Variants in EBAG9 observed in about 807,000 individuals in gnomAD.
EBAG9 encodes receptor-binding cancer antigen expressed on SiSo cells.
EBAG9 carries 16 observed loss-of-function variants against 30.9 expected under a neutral mutation model. The ratio of observed to expected loss-of-function variants is 0.52; its 90% CI spans 0.35 to 0.79. The LOEUF (loss-of-function observed/expected upper bound fraction) is 0.79, where lower values mean the gene tolerates loss of function less well. EBAG9 is among the 30% of genes least tolerant of loss of function. EBAG9 has a pLI of 0.01. For synonymous variants in EBAG9, 93 were observed against 82.8 expected, an observed-to-expected ratio of 1.12 and a Z score of -0.67; for missense variants, 197 against 242.1, an observed-to-expected ratio of 0.81 and a Z score of 1.24.
rs1377206415 is a variant in EBAG9 at position 109,556,109 on chromosome 8, TATCA to T, written c.322-825_322-822del. Among the ~76,000 whole-genome samples the T allele has an allele frequency of 5.3e-5, 8 of 152,256 alleles. No homozygotes were observed. In the East Asian group the frequency reaches 1.5e-3, roughly 29 times the overall value. On this transcript the variant is annotated intron_variant, in intron 4 of 6. Transcript: ENST00000337573. ...GTCTACCTCACTAATCACTCTGCTA[TATCA>T]GAAAAACACACTTAAAGTTCACTTT...
intron 5 of EBAG9, among the ~76,000 whole-genome samples, chr8:109,558,900 T>C (rs543671817): frequency 1.3e-5 from 2 of 152,208 alleles, no homozygotes; most frequent in African/African-American, 4.8e-5. Context: ...TTGGATATTT[T>C]TGTTGGGCAG....
intron 6 of EBAG9, among the ~76,000 whole-genome samples, chr8:109,562,334 G>A (rs1821727693): frequency 6.6e-6 from 1 of 151,940 alleles, no homozygotes; most frequent in Non-Finnish European, 1.5e-5. Context: ...ATGAAAAAAT[G>A]TACTTAAAAA....
At chr8:109,551,279 A>G (rs1821489043) in intron 2 of EBAG9, among the ~76,000 whole-genome samples, 1 of 152,082 alleles carries the variant, frequency 6.6e-6, no homozygotes, top group Admixed American at 6.6e-5. Context: ...TGTCTATACT[A>G]CAATAGTGTT....
At position 109,556,953 on chromosome 8, in the gene EBAG9, GA is replaced by G. The variant is rs1214992557; in HGVS notation, c.342del (p.Glu114AspfsTer3). 1 of 1,594,812 alleles carries G rather than the reference GA, an allele frequency of 6.3e-7. No individual in the cohort carries two copies. Among genetic ancestry groups the G allele is most frequent in the Non-Finnish European group, 8.6e-7 (1 of 1,168,972 alleles). ...KTQKIVIKKR[E>X]PLNFGIPDGS... ...CTTTCAGATTGTTATTAAGAAGAGA[GA>G]ACCATTGAATTTTGGCATCCCAGAT... On this transcript the variant is annotated frameshift_variant, in exon 5 of 7. Coordinates refer to ENST00000337573, the MANE Select transcript of EBAG9 (RefSeq NM_004215.5). LOFTEE classifies it high-confidence loss of function.
intron 6 of EBAG9, chr8:109,563,412 A>G (rs1821747126): frequency 4.4e-6 from 7 of 1,597,278 alleles, no homozygotes; most frequent in African/African-American, 1.3e-5. Context: ...GGACCAATGT[A>G]TGTTTACTCT....
chr8:109,545,739 A>T (rs1821371541), intron 1 of EBAG9, among the ~76,000 whole-genome samples: 1 of 152,162 alleles, frequency 6.6e-6, no homozygotes, highest in Non-Finnish European at 1.5e-5. Flanking sequence ...CATCTCTTTC[A>T]TAAAGACATA....
At chr8:109,554,691 C>T in intron 3 of EBAG9, 38 bp from the exon 4 acceptor site, 2 of 1,586,934 alleles carry the variant, frequency 1.3e-6, no homozygotes, top group Non-Finnish European at 1.7e-6. Flanking sequence ...CATTAAGTTG[C>T]CCCTTTGTGG....
At chr8:109,563,441 A>T (rs1821747919) in intron 6 of EBAG9, 2 of 1,597,730 alleles carry the variant, frequency 1.3e-6, no homozygotes, top group African/African-American at 2.7e-5. Context: ...CTGTTTCATC[A>T]TCCCACTCCT....
chr8:109,551,306 A>C (rs2131112413), intron 2 of EBAG9, among the ~76,000 whole-genome samples: 1 of 152,286 alleles, frequency 6.6e-6, no homozygotes, highest in Middle Eastern at 3.4e-3. Context: ...ATATTTAAAA[A>C]AAAATCCTAA....
intron 1 of EBAG9, among the ~76,000 whole-genome samples, chr8:109,547,215 G>T (rs1481968028): frequency 2.0e-5 from 3 of 152,012 alleles, no homozygotes; most frequent in Non-Finnish European, 2.9e-5. Flanking sequence ...GAGTAGAATG[G>T]CTGGGTCATA....
chr8:109,557,567 A>G (rs1011735994), intron 5 of EBAG9, among the ~76,000 whole-genome samples: 1 of 152,000 alleles, frequency 6.6e-6, no homozygotes, highest in African/African-American at 2.4e-5. Flanking sequence ...CTAAGCTTTA[A>G]GCATGCTTTG....
At chr8:109,542,347 TGGC>T (rs1821293269) in intron 1 of EBAG9, among the ~76,000 whole-genome samples, 1 of 152,178 alleles carries the variant, frequency 6.6e-6, no homozygotes, top group Non-Finnish European at 1.5e-5. Context: ...TTATTCAAGT[TGGC>T]AAATATTTAT....
rs373327267 is a variant in EBAG9 at position 109,550,941 on chromosome 8, A to G, written c.83+34A>G. ...GTTTTATGTTCAAACTAACCTGTTT[A>G]TCTCCTCGCTGGTTTTGGATACCTT... On this transcript the variant is annotated intron_variant, in intron 2 of 6. Coordinates refer to ENST00000337573, the MANE Select transcript of EBAG9 (RefSeq NM_004215.5). 1.0e-4 allele frequency: 143 copies of G among 1,413,710 alleles called. 3 individuals are homozygous for G. The South Asian group carries it at 1.3e-3, about 13-fold the overall frequency. The allele number at this position is 1,413,710 out of a possible 1,614,324, so 87.6% of individuals were successfully genotyped here. A position where few individuals can be genotyped will look rare whatever the true frequency, so the allele number is the denominator to read the frequency against.
chr8:109,549,364 A>G (rs1821449147), intron 1 of EBAG9, among the ~76,000 whole-genome samples: 1 of 151,964 alleles, frequency 6.6e-6, no homozygotes, highest in South Asian at 2.1e-4. Context: ...TTTTCTAGTA[A>G]TATCTTTGGA....
intron 1 of EBAG9, among the ~76,000 whole-genome samples, chr8:109,549,952 TA>T: frequency 6.6e-6 from 1 of 152,036 alleles, no homozygotes; most frequent in East Asian, 1.9e-4. Flanking sequence ...TCTTTTTATT[TA>T]AAATGCATTT....
rs141461832 is a variant in EBAG9 at position 109,564,755 on chromosome 8, CTT to C, written c.*197_*198del. On this transcript the variant is annotated 3_prime_UTR_variant, in exon 7 of 7. Coordinates refer to ENST00000337573, the MANE Select transcript of EBAG9 (RefSeq NM_004215.5). Reference sequence around the variant, plus strand: ...TTGAGACTCAAAAAAACAAAAAAGACTTGAGACAATGTTTTCTTCAACATGCT... The same window carrying C: ...TTGAGACTCAAAAAAACAAAAAAGACGAGACAATGTTTTCTTCAACATGCT... The C allele has an allele frequency of 2.8e-3, 1,601 of 567,672 alleles. 26 individuals carry two copies. The highest frequency in any genetic ancestry group is 0.028 in the African/African-American group (1,441 of 52,372). 35.2% of individuals were successfully genotyped at this position (567,672 alleles called of 1,614,324 possible).
In EBAG9 at chr8:109,565,332, T is replaced by G. The variant is rs1278435802; in HGVS notation, c.*773T>G. ...TTTCCTTTCATTATAGATTGTAAGATGTTGTGGTATCTTTGAGTGCCTTAG... is the reference window on the plus strand; with the variant it reads ...TTTCCTTTCATTATAGATTGTAAGAGGTTGTGGTATCTTTGAGTGCCTTAG... On this transcript the variant is annotated 3_prime_UTR_variant, in exon 7 of 7. Coordinates refer to ENST00000337573, the MANE Select transcript of EBAG9 (RefSeq NM_004215.5). The G allele has an allele frequency of 1.3e-5, 2 of 152,198 alleles. No individual in the cohort carries two copies. The highest frequency in any genetic ancestry group is 2.9e-5 in the Non-Finnish European group (2 of 67,948). The allele number at this position is 152,198 out of a possible 1,614,324, so 9.4% of individuals were successfully genotyped here. A position where few individuals can be genotyped will look rare whatever the true frequency, so the allele number is the denominator to read the frequency against.
At chr8:109,560,814 A>G (rs1821695606) in intron 5 of EBAG9, 24 bp from the exon 6 acceptor site, 10 of 1,563,692 alleles carry the variant, frequency 6.4e-6, no homozygotes, top group South Asian at 1.1e-5. Flanking sequence ...TACTCTCTTA[A>G]TTTTGTTTTA....
intron 4 of EBAG9, 94 bp downstream of exon 4, chr8:109,554,981 A>AT: frequency 1.6e-6 from 2 of 1,266,746 alleles, no homozygotes; most frequent in South Asian, 1.6e-5. Flanking sequence ...TAGAAAGCCT[A>AT]TTTCTTTTTT....
Sources: allele counts gnomAD v4.1 joint callset (sites outside exome capture counted in the v4.1 genomes callset), GRCh38; gene constraint gnomAD v4.1.1; transcripts MANE v1.5; gene names NCBI Gene and HGNC (gene_info 2026-07-23, HGNC 2026-07-21).